Variants in SORCS3 observed in about 807,000 individuals in gnomAD.
The protein encoded by SORCS3 is VPS10 domain-containing receptor SorCS3.
A neutral mutation model predicts 146.3 loss-of-function variants in SORCS3; 57 were observed. The ratio of observed to expected loss-of-function variants is 0.39; its 90% confidence interval spans 0.31 to 0.49. The LOEUF is 0.49. Ranked by LOEUF, SORCS3 falls within the 20% of genes least tolerant of loss-of-function variation. The pLI is 0.92. For synonymous variants in SORCS3, 653 were observed against 618.5 expected (o/e 1.06, Z -0.83); for missense variants, 1,341 against 1,575.5 (o/e 0.85, Z 2.52).
chr10:104,715,780 C>T (rs535564660), intron 1 of SORCS3, among the ~76,000 whole-genome samples: 1 of 152,222 alleles, frequency 6.6e-6, no homozygotes, highest in East Asian at 1.9e-4. Context: ...GGTGTAGTCA[C>T]CTTGATCTCT....
chr10:104,851,164 A>G (rs1414555939), intron 2 of SORCS3, among the ~76,000 whole-genome samples: 3 of 152,220 alleles, frequency 2.0e-5, no homozygotes, highest in South Asian at 4.1e-4. Flanking sequence ...AAATGAGAAC[A>G]CTGGAGAAGT....
chr10:104,974,517 C>A (rs997228770), intron 3 of SORCS3, among the ~76,000 whole-genome samples: 1 of 152,056 alleles, frequency 6.6e-6, no homozygotes, highest in African/African-American at 2.4e-5. Flanking sequence ...AGGATTGCAA[C>A]CCCTGCCTTT....
At chr10:104,962,789 T>C (rs1362018856) in intron 3 of SORCS3, among the ~76,000 whole-genome samples, 1 of 152,164 alleles carries the variant, frequency 6.6e-6, no homozygotes, top group African/African-American at 2.4e-5. Context: ...AATAGAAAAG[T>C]ATAGAGAAGA....
chr10:105,176,685 C>T (rs1453773573), intron 13 of SORCS3, among the ~76,000 whole-genome samples: 2 of 151,980 alleles, frequency 1.3e-5, no homozygotes, highest in Non-Finnish European at 2.9e-5. Context: ...GAAACCCTTT[C>T]TCTACAAAGA....
At chr10:104,917,228 T>C (rs1044914108) in intron 3 of SORCS3, among the ~76,000 whole-genome samples, 2 of 152,200 alleles carry the variant, frequency 1.3e-5, no homozygotes, top group African/African-American at 4.8e-5. Context: ...GTAGTTTCTT[T>C]TTTCTTTGTC....
intron 1 of SORCS3, among the ~76,000 whole-genome samples, chr10:104,657,486 C>G (rs527353827): frequency 6.6e-6 from 1 of 152,326 alleles, no homozygotes; most frequent in South Asian, 2.1e-4. Context: ...CTGCTACATA[C>G]ATGCTCAGGG....
At position 105,044,407 on chromosome 10, in the gene SORCS3, CA is replaced by C. The variant is rs1022556078; in HGVS notation, c.1028+1288del. Among the ~76,000 whole-genome samples, 7 of 151,086 alleles carry C rather than the reference CA, an allele frequency of 4.6e-5. No individual in the cohort carries two copies. In the East Asian group the frequency reaches 5.8e-4, roughly 13 times the overall value. The stretch of plus-strand genomic sequence containing the variant: ...TGGGTGACAGAGCGAGACTCTGTCT[CA>C]AAAAAAAATTTTTGTTAGAAGTTGT... On this transcript the variant is annotated intron_variant, in intron 5 of 26. Transcript: ENST00000369701.
At chr10:105,208,619 G>A (rs1261341705) in intron 16 of SORCS3, among the ~76,000 whole-genome samples, 1 of 149,054 alleles carries the variant, frequency 6.7e-6, no homozygotes, top group Non-Finnish European at 1.5e-5. Flanking sequence ...ACAATAGAAT[G>A]ATAGAATATT....
chr10:104,667,600 G>T (rs2015797356), intron 1 of SORCS3, among the ~76,000 whole-genome samples: 1 of 152,114 alleles, frequency 6.6e-6, no homozygotes, highest in Non-Finnish European at 1.5e-5. Context: ...AAAAAATATT[G>T]TCTAGTAGAC....
chr10:105,242,248 ATT>A (rs1564793188), intron 20 of SORCS3, among the ~76,000 whole-genome samples: 1 of 141,398 alleles, frequency 7.1e-6, no homozygotes, highest in Non-Finnish European at 1.5e-5. Flanking sequence ...ATATATATAT[ATT>A]TATACATATA....
intron 1 of SORCS3, among the ~76,000 whole-genome samples, chr10:104,741,480 T>C (rs1317670046): frequency 6.6e-6 from 1 of 152,056 alleles, no homozygotes; most frequent in East Asian, 1.9e-4. Flanking sequence ...TTTAGGGTTG[T>C]GTCTTTTGTC....
At chr10:104,706,201 C>CTTTTTTT (rs1162969172) in intron 1 of SORCS3, among the ~76,000 whole-genome samples, 136 of 85,872 alleles carry the variant, frequency 1.6e-3, no homozygotes, top group African/African-American at 1.7e-3. Flanking sequence ...TTTTCTTCTT[C>CTTTTTTT]TTTTTTTTTT....
intron 1 of SORCS3, among the ~76,000 whole-genome samples, chr10:104,811,296 C>T (rs2017738091): frequency 6.6e-6 from 1 of 152,192 alleles, no homozygotes; most frequent in Non-Finnish European, 1.5e-5. Context: ...CAATCAACCA[C>T]CACCAGGATA....
At chr10:105,144,403 C>T (rs1462532471) in intron 8 of SORCS3, among the ~76,000 whole-genome samples, 1 of 152,126 alleles carries the variant, frequency 6.6e-6, no homozygotes, top group Non-Finnish European at 1.5e-5. Flanking sequence ...TGACACATGG[C>T]AGATGCTTAA....
rs1342152538 is a variant in SORCS3, at chr10:105,213,450, G to T, written c.2376-992G>T. Among the ~76,000 whole-genome samples, 3 of 152,222 alleles carry T rather than the reference G, an allele frequency of 2.0e-5. No individual in the cohort carries two copies. In the South Asian group the frequency reaches 6.2e-4, roughly 32 times the overall value. On this transcript the variant is annotated intron_variant, in intron 17 of 26. Coordinates refer to ENST00000369701, the MANE Select transcript of SORCS3 (RefSeq NM_014978.3). ...AAAGAAGACAAAATGTAATGGGCATGTAATGGTGATGATGATGGTGATAAT... is the reference window on the plus strand; with the variant it reads ...AAAGAAGACAAAATGTAATGGGCATTTAATGGTGATGATGATGGTGATAAT...
chr10:104,749,027 C>T (rs1373468845), intron 1 of SORCS3, among the ~76,000 whole-genome samples: 1 of 152,110 alleles, frequency 6.6e-6, no homozygotes, highest in Non-Finnish European at 1.5e-5. Flanking sequence ...AGGAGCATGG[C>T]TATGAGAAGG....
Position 105,015,379 on chromosome 10 carries a change from C to T in SORCS3, c.955-27676C>T, listed in dbSNP as rs1488272693. On this transcript the variant is annotated intron_variant, in intron 4 of 26. Coordinates refer to ENST00000369701, the MANE Select transcript of SORCS3 (RefSeq NM_014978.3). The stretch of plus-strand genomic sequence containing the variant: ...GGAAGTAACTCAAATGCCCATAGAT[C>T]GAAGAATGGATAAATTATATTGACA... Among the ~76,000 whole-genome samples, 4 of 151,974 alleles carry T rather than the reference C, an allele frequency of 2.6e-5. No individual in the cohort carries two copies. In the East Asian group the frequency reaches 7.7e-4, roughly 29 times the overall value.
intron 3 of SORCS3, among the ~76,000 whole-genome samples, chr10:104,928,560 T>C (rs2019174156): frequency 6.6e-6 from 1 of 151,976 alleles, no homozygotes; most frequent in African/African-American, 2.4e-5. Context: ...GCAGAGAGAT[T>C]GCTACTGGCA....
At chr10:105,138,876 C>G (rs906257071) in intron 7 of SORCS3, among the ~76,000 whole-genome samples, 21 of 152,122 alleles carry the variant, frequency 1.4e-4, no homozygotes, top group Middle Eastern at 3.2e-3. Flanking sequence ...AATATCTGCT[C>G]AATACATGGA....
Sources: allele counts gnomAD v4.1 joint callset (sites outside exome capture counted in the v4.1 genomes callset), GRCh38; gene constraint gnomAD v4.1.1; transcripts MANE v1.5; gene names NCBI Gene and HGNC (gene_info 2026-07-23, HGNC 2026-07-21).